NGEF: variants seen among roughly 807,000 people sequenced by gnomAD.
The protein encoded by NGEF is ephexin-1.
Under a neutral mutation model 80.9 loss-of-function variants are expected in NGEF, and 31 were observed. The ratio of observed to expected loss-of-function variants is 0.38; its 90% CI spans 0.29 to 0.52. The LOEUF (loss-of-function observed/expected upper bound fraction) is 0.52, where lower values mean the gene tolerates loss of function less well. Ranked by LOEUF, NGEF falls within the 20% of genes least tolerant of loss-of-function variation. The pLI, the probability that NGEF is intolerant of heterozygous loss-of-function variation, is 0.84. For missense variants in NGEF, 709 were observed against 926.2 expected (o/e 0.77, Z 3.04); for synonymous variants, 371 against 370.2 (o/e 1.00, Z -0.03).
At chr2:232,946,608 C>A (rs1215619816) in intron 3 of NGEF, among the ~76,000 whole-genome samples, 1 of 152,190 alleles carries the variant, frequency 6.6e-6, no homozygotes, top group Non-Finnish European at 1.5e-5. Flanking sequence ...TAGTAACGAG[C>A]ACATCTAATG....
chr2:232,884,016 G>A lies in NGEF; in HGVS notation c.1566C>T (p.Phe522=), dbSNP rs1268013383. 6.2e-7 allele frequency: 1 copy of A among 1,612,260 alleles called. No individual in the cohort carries two copies. Among genetic ancestry groups the A allele is most frequent in the South Asian group, 1.1e-5 (1 of 90,686 alleles). ...KLFHEIYLFL[F]NDLLVICRQI... is the part of the protein sequence containing the mutation. Reference sequence around the variant, plus strand: ...GCCGGCAGATCACCAGCAGGTCGTTGAACAGGAAGAGGTAAATTTCGTGGA... The same window carrying A: ...GCCGGCAGATCACCAGCAGGTCGTTAAACAGGAAGAGGTAAATTTCGTGGA... Residue 522 remains phenylalanine, a synonymous_variant, in exon 11 of 15, where the codon TTC becomes TTT. Coordinates refer to ENST00000264051, the MANE Select transcript of NGEF (RefSeq NM_019850.3).
chr2:232,922,999 G>T (rs531978712), intron 4 of NGEF, among the ~76,000 whole-genome samples: 113 of 152,270 alleles, frequency 7.4e-4, no homozygotes, highest in African/African-American at 2.7e-3. Context: ...GAACCTGGGG[G>T]GCGGAGGTTG....
intron 8 of NGEF, among the ~76,000 whole-genome samples, chr2:232,889,569 A>G (rs1423984652): frequency 1.3e-5 from 2 of 152,228 alleles, no homozygotes; most frequent in East Asian, 3.8e-4. Context: ...TCCCTATAAA[A>G]TGTCCTAAAA....
rs1691874051 is a variant in NGEF, at chr2:232,891,253, G to A, written c.1272+105C>T. The stretch of plus-strand genomic sequence containing the variant: ...GCTTGGCACACATGGGAGGAGCTTA[G>A]TATCTGTTGAACCAGTAGACCTCCT... On this transcript the variant is annotated intron_variant, in intron 8 of 14. Coordinates refer to ENST00000264051, the MANE Select transcript of NGEF (RefSeq NM_019850.3). 7 of 1,416,718 alleles carry A rather than the reference G, an allele frequency of 4.9e-6. No individual in the cohort carries two copies. The South Asian group carries it at 9.0e-5, about 18-fold the overall frequency. 87.8% of individuals were successfully genotyped at this position (1,416,718 alleles called of 1,614,324 possible).
At chr2:232,891,969 T>TGGCAGGGAC (rs910375946) in intron 7 of NGEF, among the ~76,000 whole-genome samples, 1 of 14,706 alleles carries the variant, frequency 6.8e-5, no homozygotes, top group Non-Finnish European at 1.6e-4. Flanking sequence ...TCAGCAGGGA[T>TGGCAGGGAC]GGCAGGGACG....
chr2:232,879,582 G>A lies in NGEF; in HGVS notation c.2040C>T (p.Asn680=), dbSNP rs748178956. The A allele has an allele frequency of 1.7e-5, 27 of 1,613,778 alleles. No homozygotes were observed. In the South Asian group the frequency reaches 2.2e-4, roughly 13 times the overall value. Residue 680 remains asparagine (N), a synonymous_variant, in exon 15 of 15, where the codon AAC becomes AAT. Transcript: ENST00000264051. Reference sequence around the variant, plus strand: ...TGTGGACACGGAAACATTCCTTGAGGTTCTGGGACCGGATCTTGGGATTCA... The same window carrying A: ...TGTGGACACGGAAACATTCCTTGAGATTCTGGGACCGGATCTTGGGATTCA... ...EILNPKIRSQ[N]LKECFRVHKM...
At chr2:232,944,726 A>AATATATATATATATATATATATATAT (rs57851903) in intron 3 of NGEF, among the ~76,000 whole-genome samples, 11 of 108,748 alleles carry the variant, frequency 1.0e-4, no homozygotes, top group East Asian at 5.7e-4. Context: ...GACTTTTCCG[A>AATATATATATATATATATATATATAT]ATATATATAT....
At chr2:232,983,923 G>T (rs1428849523) in intron 1 of NGEF, among the ~76,000 whole-genome samples, 1 of 152,152 alleles carries the variant, frequency 6.6e-6, no homozygotes, top group African/African-American at 2.4e-5. Flanking sequence ...CCACCCCAGG[G>T]CTACCTCTTC....
At position 232,888,013 on chromosome 2, in the gene NGEF, C is replaced by T; in HGVS notation, c.1347+20G>A. On this transcript the variant is annotated intron_variant, in intron 9 of 14. Coordinates refer to ENST00000264051, the MANE Select transcript of NGEF (RefSeq NM_019850.3). The stretch of plus-strand genomic sequence containing the variant: ...GAAAACAGTGCATTGGGATACAGCA[C>T]AAGAGGAGGTGAGACTCACCATTTC... The T allele has an allele frequency of 1.2e-6, 2 of 1,606,040 alleles. No homozygotes were observed. Among genetic ancestry groups the T allele is most frequent in the Non-Finnish European group, 1.7e-6 (2 of 1,172,618 alleles).
chr2:232,899,585 C>T (rs1692209917), intron 5 of NGEF, among the ~76,000 whole-genome samples: 1 of 151,110 alleles, frequency 6.6e-6, no homozygotes, highest in South Asian at 2.1e-4. Context: ...CACAGTCACT[C>T]ATATACACGT....
rs536446949 is a variant in NGEF at position 232,922,938 on chromosome 2, CG to C, written c.527-2354del. ...TACAAAAATTAGCCGGGTGTGGTGG[CG>C]GGTGCCTATAATCCCAGCTACTCGG... On this transcript the variant is annotated intron_variant, in intron 4 of 14. Transcript: ENST00000264051. 3.0e-4 allele frequency among the ~76,000 whole-genome samples: 45 copies of C among 152,070 alleles called. No individual in the cohort carries two copies. In the South Asian group the frequency reaches 9.1e-3, roughly 31 times the overall value.
chr2:232,905,908 C>CTCGCCCACCCTGT (rs1692505611), intron 5 of NGEF: 1 of 165,314 alleles, frequency 6.0e-6, no homozygotes, highest in Non-Finnish European at 1.3e-5. Flanking sequence ...GGGTCAGCCC[C>CTCGCCCACCCTGT]CCGCCCGGCC....
chr2:232,979,272 CA>C (rs1328106551), intron 1 of NGEF, among the ~76,000 whole-genome samples: 7 of 151,856 alleles, frequency 4.6e-5, no homozygotes, highest in African/African-American at 1.4e-4. Flanking sequence ...CATTAAGAGT[CA>C]GGGGGATTGT....
At chr2:232,934,395 CT>C (rs11335315) in intron 3 of NGEF, among the ~76,000 whole-genome samples, 118,443 of 150,366 alleles carry the variant, frequency 0.79, 46,931 homozygotes, top group African/African-American at 0.85. Flanking sequence ...GAGGAAGATT[CT>C]TTTTTTTTTT....
At chr2:232,930,326 C>CT (rs35840661) in intron 3 of NGEF, among the ~76,000 whole-genome samples, 2,537 of 144,374 alleles carry the variant, frequency 0.018, 26 homozygotes, top group Middle Eastern at 0.028. Context: ...CTCTCTCTCT[C>CT]TTTTTTTTTT....
chr2:232,922,314 A>G (rs1692963656), intron 4 of NGEF, among the ~76,000 whole-genome samples: 1 of 152,232 alleles, frequency 6.6e-6, no homozygotes, highest in Non-Finnish European at 1.5e-5. Context: ...TATATTCATG[A>G]ACAGGAAGCT....
rs201077893 is a variant in NGEF, at chr2:232,995,581, T to C, written c.-75+17487A>G. 1.7e-4 allele frequency among the ~76,000 whole-genome samples: 9 copies of C among 52,658 alleles called. 2 individuals carry two copies. Among genetic ancestry groups the C allele is most frequent in the African/African-American group, 2.4e-4 (3 of 12,298 alleles). 34.5% of individuals were successfully genotyped at this position (52,658 alleles called of 152,430 possible). A position where few individuals can be genotyped will look rare whatever the true frequency, so the allele number is the denominator to read the frequency against. On this transcript the variant is annotated intron_variant, in intron 1 of 14. Coordinates refer to ENST00000264051, the MANE Select transcript of NGEF (RefSeq NM_019850.3). ...ACAGTATGTATACTGTATATATATA[T>C]ACAGTATGTATACTGTATATATATA... is the stretch of plus-strand genomic sequence containing the variant.
At position 233,012,354 on chromosome 2, in the gene NGEF, CT is replaced by C. The variant is rs374006998; in HGVS notation, c.-75+713del. 8.2e-3 allele frequency among the ~76,000 whole-genome samples: 1,242 copies of C among 152,308 alleles called. 22 individuals carry two copies. The highest frequency in any genetic ancestry group is 0.028 in the African/African-American group (1,154 of 41,566). ...TTTCACATCCAAGAAAACTGTGTCC[CT>C]ACACATTTCAGTCACACCGTGCTGT... On this transcript the variant is annotated intron_variant, in intron 1 of 14. Coordinates refer to ENST00000264051, the MANE Select transcript of NGEF (RefSeq NM_019850.3).
rs142300382 is a variant in NGEF, at chr2:232,888,039, C to T, written c.1341G>A (p.Leu447=). 198 of 1,613,742 alleles carry T rather than the reference C, an allele frequency of 1.2e-4. No individual in the cohort carries two copies. The highest frequency in any genetic ancestry group is 1.6e-4 in the Non-Finnish European group (190 of 1,179,730). The change falls in exon 9 of 15, where the codon CTG becomes CTA. Residue 447 remains leucine, a synonymous_variant. Transcript: ENST00000264051. ...ECTALDAHKE[L]EMVVKACNEG... ...AAGAGGAGGTGAGACTCACCATTTC[C>T]AGCTCCTTGTGAGCATCCAAAGCAG...
Sources: allele counts gnomAD v4.1 joint callset (sites outside exome capture counted in the v4.1 genomes callset), GRCh38; gene constraint gnomAD v4.1.1; transcripts MANE v1.5; gene names NCBI Gene and HGNC (gene_info 2026-07-23, HGNC 2026-07-21).